CLYBL: variants seen among roughly 807,000 people sequenced by gnomAD.
CLYBL encodes citramalyl-CoA lyase, mitochondrial.
Under a neutral mutation model 38.9 loss-of-function variants are expected in CLYBL, and 31 were observed. That is an observed-to-expected ratio of 0.80 (90% CI 0.60 to 1.08). CLYBL has a LOEUF of 1.08. CLYBL is among the 50% of genes least tolerant of loss of function. The probability of loss-of-function intolerance (pLI) is 0.00; values close to 1 mark genes in which losing one functional copy is unlikely to be tolerated. For synonymous variants in CLYBL, 171 were observed against 158.6 expected (o/e 1.08, Z -0.59); for missense variants, 434 against 411.6 (o/e 1.05, Z -0.47).
intron 2 of CLYBL, among the ~76,000 whole-genome samples, chr13:99,835,587 A>G (rs1399908298): frequency 1.3e-5 from 2 of 152,212 alleles, no homozygotes; most frequent in African/African-American, 2.4e-5. Context: ...AAAAGGAAGA[A>G]TGGTTGCTGT....
intron 1 of CLYBL, among the ~76,000 whole-genome samples, chr13:99,696,264 C>T (rs1193839709): frequency 2.6e-5 from 4 of 150,982 alleles, no homozygotes; most frequent in East Asian, 3.9e-4. Context: ...GAGTCTTACT[C>T]TGTTGCCTAG....
intron 1 of CLYBL, among the ~76,000 whole-genome samples, chr13:99,672,755 G>A (rs753993341): frequency 5.9e-5 from 9 of 152,130 alleles, no homozygotes; most frequent in Non-Finnish European, 1.2e-4. Flanking sequence ...GGGCAACAGA[G>A]CAAGACCCTG....
chr13:99,623,615 G>T (rs1355038252), intron 1 of CLYBL, among the ~76,000 whole-genome samples: 2 of 152,020 alleles, frequency 1.3e-5, no homozygotes, highest in East Asian at 3.9e-4. Flanking sequence ...TAGGTCCAGA[G>T]ACCATGGGCT....
chr13:99,753,007 G>C (rs560888421), intron 1 of CLYBL, among the ~76,000 whole-genome samples: 1 of 152,122 alleles, frequency 6.6e-6, no homozygotes, highest in African/African-American at 2.4e-5. Flanking sequence ...TCCCAGGAGG[G>C]GGCATGGGGA....
chr13:99,685,257 G>GA (rs2047799676), intron 1 of CLYBL, among the ~76,000 whole-genome samples: 2 of 152,102 alleles, frequency 1.3e-5, no homozygotes, highest in African/African-American at 4.8e-5. Flanking sequence ...ATACCTTTAT[G>GA]AAAACTCAAT....
At position 99,681,101 on chromosome 13, in the gene CLYBL, A is replaced by AG. The variant is rs1217974717; in HGVS notation, c.62+74344_62+74345insG. ...GTCCTAAGAAGGAAGTAGTGCTGTAACTTACTTCATCTAAAGAAGCATCAT... is the reference window on the plus strand; with the variant it reads ...GTCCTAAGAAGGAAGTAGTGCTGTAAGCTTACTTCATCTAAAGAAGCATCAT... On this transcript the variant is annotated intron_variant, in intron 1 of 8. Transcript: ENST00000339105. Among the ~76,000 whole-genome samples, 24 of 152,356 alleles carry AG rather than the reference A, an allele frequency of 1.6e-4. No homozygotes were observed. The East Asian group carries it at 2.9e-3, about 18-fold the overall frequency.
chr13:99,740,599 C>T (rs1566308343), intron 1 of CLYBL, among the ~76,000 whole-genome samples: 1 of 152,174 alleles, frequency 6.6e-6, no homozygotes, highest in Non-Finnish European at 1.5e-5. Flanking sequence ...GTATCATTAG[C>T]GACTTGACGC....
intron 9 of CLYBL, among the ~76,000 whole-genome samples, chr13:99,906,332 ATTG>A (rs2052697014): frequency 2.0e-5 from 3 of 152,204 alleles, no homozygotes; most frequent in African/African-American, 7.2e-5. Flanking sequence ...ATTTCATTTT[ATTG>A]TTGTTTTACA....
chr13:99,877,004 C>G (rs2052059577), intron 7 of CLYBL, among the ~76,000 whole-genome samples: 2 of 152,190 alleles, frequency 1.3e-5, no homozygotes, highest in Non-Finnish European at 2.9e-5. Flanking sequence ...CCCTCATCCC[C>G]CAGCCCTGCC....
intron 1 of CLYBL, among the ~76,000 whole-genome samples, chr13:99,659,214 G>A (rs1427788567): frequency 2.0e-5 from 3 of 151,450 alleles, no homozygotes; most frequent in African/African-American, 7.3e-5. Context: ...GTGTGTGTGT[G>A]TGTATATATA....
At chr13:99,607,416 G>T (rs180989153) in intron 1 of CLYBL, among the ~76,000 whole-genome samples, 77 of 152,302 alleles carry the variant, frequency 5.1e-4, no homozygotes, top group Non-Finnish European at 4.7e-4. Flanking sequence ...ATATTTGAAA[G>T]AAATTCTGGG....
At chr13:99,756,982 T>C (rs778566127) in intron 1 of CLYBL, among the ~76,000 whole-genome samples, 1 of 152,018 alleles carries the variant, frequency 6.6e-6, no homozygotes, top group African/African-American at 2.4e-5. Context: ...ACTGCAGCCT[T>C]GACCCCCAGG....
intron 2 of CLYBL, among the ~76,000 whole-genome samples, chr13:99,780,622 C>A (rs182386108): frequency 6.6e-6 from 1 of 151,680 alleles, no homozygotes; most frequent in Admixed American, 6.6e-5. Context: ...ATGATCTGCC[C>A]GTCTCGGCCT....
intron 1 of CLYBL, among the ~76,000 whole-genome samples, chr13:99,692,012 G>A (rs1407274436): frequency 2.0e-5 from 3 of 152,164 alleles, no homozygotes; most frequent in Non-Finnish European, 2.9e-5. Flanking sequence ...GTTTCAGAAC[G>A]TAGAAACTCA....
intron 1 of CLYBL, among the ~76,000 whole-genome samples, chr13:99,757,243 T>C (rs967038355): frequency 6.8e-6 from 1 of 146,410 alleles, no homozygotes; most frequent in Non-Finnish European, 1.5e-5. Flanking sequence ...TCTTTAAATA[T>C]AGATTTTTTT....
intron 1 of CLYBL, among the ~76,000 whole-genome samples, chr13:99,727,859 C>G (rs530921872): frequency 1.3e-5 from 2 of 152,260 alleles, no homozygotes; most frequent in South Asian, 4.1e-4. Flanking sequence ...GGGCGGATCA[C>G]TTGAGGCCAG....
intron 1 of CLYBL, among the ~76,000 whole-genome samples, chr13:99,672,945 C>T (rs1170581848): frequency 3.9e-5 from 6 of 152,018 alleles, no homozygotes; most frequent in African/African-American, 1.4e-4. Flanking sequence ...ATCCATGCGC[C>T]CAATGGGTAT....
At chr13:99,657,958 C>T (rs1211949550) in intron 1 of CLYBL, among the ~76,000 whole-genome samples, 1 of 152,200 alleles carries the variant, frequency 6.6e-6, no homozygotes, top group African/African-American at 2.4e-5. Flanking sequence ...CCTCGCAGTC[C>T]GGGGCAGAAC....
rs565809000 is a variant in CLYBL at position 99,838,659 on chromosome 13, G to A, written c.250-20202G>A. On this transcript the variant is annotated intron_variant, in intron 2 of 8. Transcript: ENST00000339105. ...CACATTCTTTTTCTTTTTTTGAAAC[G>A]GAGTCTCATGCTGTCACCCAGGCTG... Among the ~76,000 whole-genome samples the A allele has an allele frequency of 1.8e-4, 27 of 151,686 alleles. No homozygotes were observed. In the East Asian group the frequency reaches 2.9e-3, roughly 16 times the overall value.
Sources: allele counts gnomAD v4.1 joint callset (sites outside exome capture counted in the v4.1 genomes callset), GRCh38; gene constraint gnomAD v4.1.1; transcripts MANE v1.5; gene names NCBI Gene and HGNC (gene_info 2026-07-23, HGNC 2026-07-21).